The following RNF43 variants were observed in gnomAD, a reference collection of about 807,000 sequenced individuals.
RNF43 encodes E3 ubiquitin-protein ligase RNF43.
Under a neutral mutation model 78.4 loss-of-function variants are expected in RNF43, and 37 were observed. That is an observed-to-expected ratio of 0.47 (90% CI 0.36 to 0.62). The LOEUF is 0.62. Ranked by LOEUF, RNF43 falls within the 20% of genes least tolerant of loss-of-function variation. The probability of loss-of-function intolerance (pLI) is 0.00; values close to 1 mark genes in which losing one functional copy is unlikely to be tolerated. For missense variants in RNF43, 774 were observed against 1,007.9 expected, an observed-to-expected ratio of 0.77 and a Z score of 3.14; for synonymous variants, 347 against 395.0, an observed-to-expected ratio of 0.88 and a Z score of 1.44.
chr17:58,366,399 G>A (rs1972950450), intron 3 of RNF43, among the ~76,000 whole-genome samples: 2 of 152,198 alleles, frequency 1.3e-5, no homozygotes, highest in Non-Finnish European at 2.9e-5. Context: ...AGCAGAAGAT[G>A]GTGTTGAAAG....
rs373186493 is a variant in RNF43 at position 58,391,540 on chromosome 17, G to A, written c.253-20507C>T. ...TCCAGTCACCACAGTGGGGGCCAAC[G>A]CTGGACGCCCTGGCTTCTGAGCAAG... On this transcript the variant is annotated intron_variant, in intron 2 of 9. Transcript: ENST00000407977. Among the ~76,000 whole-genome samples, 6 of 152,316 alleles carry A rather than the reference G, an allele frequency of 3.9e-5. No individual in the cohort carries two copies. In the East Asian group the frequency reaches 5.8e-4, roughly 15 times the overall value.
chr17:58,360,330 C>T lies in RNF43; in HGVS notation c.850-79G>A. The stretch of plus-strand genomic sequence containing the variant: ...CAGGAATCAGGACATCCCCCAACTC[C>T]CTTAGGCCTCTCCTTGCTATTATCT... On this transcript the variant is annotated intron_variant, in intron 7 of 9. Coordinates refer to ENST00000407977, the MANE Select transcript of RNF43 (RefSeq NM_017763.6). The surrounding 1 kb of genome is among the most constrained non-coding windows in gnomAD (Gnocchi z 4.3). 1 of 982,540 alleles carries T rather than the reference C, an allele frequency of 1.0e-6. No individual in the cohort carries two copies. Among genetic ancestry groups the T allele is most frequent in the Admixed American group, 1.9e-5 (1 of 53,860 alleles). 60.9% of individuals were successfully genotyped at this position (982,540 alleles called of 1,614,324 possible).
Position 58,371,133 on chromosome 17 carries a change from G to A in RNF43, c.253-100C>T, listed in dbSNP as rs569359472. ...CATTTTTCTAGGGAGGTACCAGGCA[G>A]GTCTCTTGGTGCTGTAAAAGAGTAG... On this transcript the variant is annotated intron_variant, in intron 2 of 9. Coordinates refer to ENST00000407977, the MANE Select transcript of RNF43 (RefSeq NM_017763.6). 16 of 1,229,816 alleles carry A rather than the reference G, an allele frequency of 1.3e-5. No individual in the cohort carries two copies. In the East Asian group the frequency reaches 3.9e-4, roughly 30 times the overall value. 76.2% of individuals were successfully genotyped at this position (1,229,816 alleles called of 1,614,324 possible).
chr17:58,406,359 C>A (rs939067981), intron 2 of RNF43, among the ~76,000 whole-genome samples: 2 of 152,112 alleles, frequency 1.3e-5, no homozygotes, highest in Non-Finnish European at 2.9e-5. Context: ...GATTGGAATT[C>A]TTTGATAAGC....
At chr17:58,364,812 A>T (rs952898787) in intron 3 of RNF43, among the ~76,000 whole-genome samples, 1 of 152,192 alleles carries the variant, frequency 6.6e-6, no homozygotes, top group Non-Finnish European at 1.5e-5. Flanking sequence ...CAGCACTTTG[A>T]TCTCTGCCTG....
intron 2 of RNF43, among the ~76,000 whole-genome samples, chr17:58,396,824 C>A (rs892017076): frequency 6.6e-6 from 1 of 151,952 alleles, no homozygotes. Context: ...CATTTTTTAT[C>A]CTTTATATAT....
Position 58,415,627 on chromosome 17 carries a change from C to A in RNF43, c.-50G>T. 6.3e-7 allele frequency: 1 copy of A among 1,585,020 alleles called. No homozygotes were observed. Among genetic ancestry groups the A allele is most frequent in the Non-Finnish European group, 8.6e-7 (1 of 1,169,214 alleles). ...CAACCATACATACTGCTTCCACTAG[C>A]TAATACCAAATGCAGGTTCTCAGAT... On this transcript the variant is annotated 5_prime_UTR_variant, in exon 2 of 10. An upstream open reading frame in the 5' UTR loses its in-frame stop. Transcript: ENST00000407977.
At position 58,415,346 on chromosome 17, in the gene RNF43, C is replaced by T. The variant is rs761571713; in HGVS notation, c.232G>A (p.Ala78Thr). The change falls in exon 2 of 10, where the codon GCA becomes ACA. Residue 78 changes from alanine to threonine, a missense_variant. Coordinates refer to ENST00000407977, the MANE Select transcript of RNF43 (RefSeq NM_017763.6). Reference protein sequence around the residue: ...VFAGVAEITPAEGKLMQSHPL... With the variant: ...VFAGVAEITPTEGKLMQSHPL... ...CTTGCCTGCATTAATTTTCCTTCTG[C>T]TGGAGTTATTTCAGCAACACCAGCA... 8.1e-6 allele frequency: 13 copies of T among 1,614,216 alleles called. No individual in the cohort carries two copies. Among genetic ancestry groups the T allele is most frequent in the Non-Finnish European group, 1.1e-5 (13 of 1,180,018 alleles).
chr17:58,395,450 G>A (rs1277049713), intron 2 of RNF43, among the ~76,000 whole-genome samples: 2 of 151,902 alleles, frequency 1.3e-5, no homozygotes, highest in East Asian at 3.9e-4. Context: ...CCTTTATGAG[G>A]GACAGTTTAT....
chr17:58,361,926 T>G (rs923942882), intron 6 of RNF43, among the ~76,000 whole-genome samples: 1 of 152,066 alleles, frequency 6.6e-6, no homozygotes, highest in African/African-American at 2.4e-5. Context: ...TTTTAAAAAT[T>G]AACCCTGTTA....
At chr17:58,359,033 G>A (rs367835447) in intron 8 of RNF43, among the ~76,000 whole-genome samples, 5 of 152,132 alleles carry the variant, frequency 3.3e-5, no homozygotes, top group African/African-American at 1.2e-4. Context: ...GCCACTATGC[G>A]TGTCAATCCC....
intron 2 of RNF43, among the ~76,000 whole-genome samples, chr17:58,395,928 G>A (rs1973670159): frequency 6.6e-6 from 1 of 152,056 alleles, no homozygotes; most frequent in Non-Finnish European, 1.5e-5. Flanking sequence ...GACAGGGAGG[G>A]GTAAAAGGAT....
At chr17:58,407,834 A>C (rs1384775461) in intron 2 of RNF43, among the ~76,000 whole-genome samples, 1 of 152,226 alleles carries the variant, frequency 6.6e-6, no homozygotes, top group Non-Finnish European at 1.5e-5. Context: ...CTAAATAGAC[A>C]CATAAAGCCA....
chr17:58,412,367 A>C (rs1046834560), intron 2 of RNF43, among the ~76,000 whole-genome samples: 13 of 152,170 alleles, frequency 8.5e-5, no homozygotes, highest in African/African-American at 2.9e-4. Context: ...GAGAAATAGA[A>C]GGGCAAAGGC....
chr17:58,381,567 T>C (rs72841014), intron 2 of RNF43, among the ~76,000 whole-genome samples: 8 of 152,278 alleles, frequency 5.3e-5, no homozygotes, highest in Non-Finnish European at 1.0e-4. Flanking sequence ...TGGGAGAGCC[T>C]GGGAGGGATT....
At chr17:58,397,135 A>G (rs1216763111) in intron 2 of RNF43, among the ~76,000 whole-genome samples, 1 of 152,222 alleles carries the variant, frequency 6.6e-6, no homozygotes, top group Non-Finnish European at 1.5e-5. Flanking sequence ...AGAGGGGGAA[A>G]AATAAATGTA....
intron 2 of RNF43, among the ~76,000 whole-genome samples, chr17:58,389,764 A>C (rs1973512392): frequency 2.6e-5 from 4 of 152,214 alleles, no homozygotes; most frequent in Admixed American, 2.6e-4. Flanking sequence ...GTATCTTATA[A>C]ATTCTGTATT....
chr17:58,379,256 T>C lies in RNF43; in HGVS notation c.253-8223A>G, dbSNP rs560464459. Among the ~76,000 whole-genome samples, 17 of 152,254 alleles carry C rather than the reference T, an allele frequency of 1.1e-4. No homozygotes were observed. The South Asian group carries it at 3.3e-3, about 30-fold the overall frequency. On this transcript the variant is annotated intron_variant, in intron 2 of 9. Coordinates refer to ENST00000407977, the MANE Select transcript of RNF43 (RefSeq NM_017763.6). ...CATTTCTAGAATTTTCAAACTTGAA[T>C]CATTCTTAACAAGACAGAAGCAGGA...
At chr17:58,366,018 C>A (rs913122044) in intron 3 of RNF43, among the ~76,000 whole-genome samples, 2 of 152,178 alleles carry the variant, frequency 1.3e-5, no homozygotes, top group Non-Finnish European at 1.5e-5. Flanking sequence ...AGACAAGAGT[C>A]CCTGTATATC....
Sources: gnomAD v4.1 joint callset for allele counts (sites outside exome capture counted in the v4.1 genomes callset) on GRCh38, gnomAD v4.1.1 for gene constraint, Gnocchi (gnomAD v3.1) non-coding constraint, MANE v1.5 for transcripts, NCBI Gene and HGNC (gene_info 2026-07-23, HGNC 2026-07-21) for gene names.